Variants in PPP2R5A observed in about 807,000 individuals in gnomAD.
PPP2R5A encodes protein phosphatase 2 regulatory subunit B'alpha.
In PPP2R5A, 25 loss-of-function variants were observed where a neutral mutation model predicts 64.2. That is an observed-to-expected ratio of 0.39 (90% CI 0.28 to 0.54). PPP2R5A has a LOEUF of 0.54. Among genes scored for constraint, PPP2R5A ranks in the 20% least tolerant of loss-of-function variants. The pLI is 0.67. For synonymous variants in PPP2R5A, 198 were observed against 201.2 expected, an observed-to-expected ratio of 0.98 and a Z score of 0.13; for missense variants, 425 against 576.3, an observed-to-expected ratio of 0.74 and a Z score of 2.69.
At chr1:212,357,783 A>G (rs1295853758) in intron 11 of PPP2R5A, 1 of 146,150 alleles carries the variant, frequency 6.8e-6, no homozygotes, top group Non-Finnish European at 1.5e-5. Flanking sequence ...AGCCTGGGCG[A>G]CAGAGCAAGA....
intron 1 of PPP2R5A, among the ~76,000 whole-genome samples, chr1:212,322,125 C>A (rs535729626): frequency 6.6e-6 from 1 of 150,980 alleles, no homozygotes; most frequent in Non-Finnish European, 1.5e-5. Flanking sequence ...TGCAGTGAGC[C>A]GAGATGGCAG....
At chr1:212,301,315 T>G (rs1658796985) in intron 1 of PPP2R5A, among the ~76,000 whole-genome samples, 1 of 152,208 alleles carries the variant, frequency 6.6e-6, no homozygotes, top group South Asian at 2.1e-4. Context: ...CCCAGCCCAG[T>G]TAATTTTTTG....
rs139352687 is a variant in PPP2R5A at position 212,288,830 on chromosome 1, G to A, written c.181+2539G>A. Among the ~76,000 whole-genome samples the A allele has an allele frequency of 2.7e-5, 4 of 150,844 alleles. No individual in the cohort carries two copies. The East Asian group carries it at 7.8e-4, about 29-fold the overall frequency. On this transcript the variant is annotated intron_variant, in intron 1 of 12. Coordinates refer to ENST00000261461, the MANE Select transcript of PPP2R5A (RefSeq NM_006243.4). ...ACTGTGGAGTGATTCAGATATCCATGGACTCCAAGATCTTTTAAGTTTCAT... is the reference window on the plus strand; with the variant it reads ...ACTGTGGAGTGATTCAGATATCCATAGACTCCAAGATCTTTTAAGTTTCAT...
chr1:212,286,141 G>C lies in PPP2R5A; in HGVS notation c.31G>C (p.Ala11Pro), dbSNP rs753173935. 2.5e-6 allele frequency: 4 copies of C among 1,584,872 alleles called. No individual in the cohort carries two copies. The East Asian group carries it at 6.9e-5, about 28-fold the overall frequency. The change falls in exon 1 of 13, where the codon GCC becomes CCC. Residue 11 changes from alanine (A) to proline (P), a missense_variant. Physicochemically the swap from Ala to Pro is conservative, Grantham distance 27 (BLOSUM62 -1). This residue lies in a region of PPP2R5A where 104 missense variants were observed against 95.7 expected (regional missense o/e 1.09). Coordinates refer to ENST00000261461, the MANE Select transcript of PPP2R5A (RefSeq NM_006243.4). The part of the protein sequence containing the change: MSSSSPPAGA[A>P]SAAISASEKV... Reference sequence around the variant, plus strand: ...GTCGTCGTCGCCGCCGGCGGGGGCTGCCAGCGCCGCCATCTCGGCCTCGGA... The same window carrying C: ...GTCGTCGTCGCCGCCGGCGGGGGCTCCCAGCGCCGCCATCTCGGCCTCGGA...
chr1:212,322,061 G>A (rs1262593724), intron 1 of PPP2R5A, among the ~76,000 whole-genome samples: 26 of 150,380 alleles, frequency 1.7e-4, no homozygotes, highest in South Asian at 8.6e-4. Context: ...GGCGGCGCGC[G>A]CCTGCAATCG....
intron 1 of PPP2R5A, chr1:212,302,051 T>G (rs772801018): frequency 1.3e-6 from 2 of 1,528,418 alleles, no homozygotes; most frequent in South Asian, 1.2e-5. Flanking sequence ...TATCACTGAT[T>G]TAATGAAGAA....
At chr1:212,310,626 G>A (rs554513865) in intron 1 of PPP2R5A, among the ~76,000 whole-genome samples, 3 of 152,288 alleles carry the variant, frequency 2.0e-5, no homozygotes, top group African/African-American at 7.2e-5. Context: ...GCAGCAGCCC[G>A]AGGTCTTCTT....
intron 1 of PPP2R5A, among the ~76,000 whole-genome samples, chr1:212,308,778 C>G (rs1317182215): frequency 6.6e-6 from 1 of 152,048 alleles, no homozygotes; most frequent in Non-Finnish European, 1.5e-5. Context: ...ATTCTTTTTT[C>G]TTTCTGTTCT....
chr1:212,305,912 G>A (rs1658891530), intron 1 of PPP2R5A, among the ~76,000 whole-genome samples: 1 of 152,108 alleles, frequency 6.6e-6, no homozygotes, highest in South Asian at 2.1e-4. Flanking sequence ...AAACTGGAGT[G>A]GCTATACTAA....
intron 12 of PPP2R5A, among the ~76,000 whole-genome samples, chr1:212,359,485 AATTACT>A (rs1458420498): frequency 1.3e-5 from 2 of 152,204 alleles, no homozygotes; most frequent in African/African-American, 2.4e-5. Flanking sequence ...GAATTTCATA[AATTACT>A]ATAAAATAAT....
At chr1:212,349,051 C>A in intron 7 of PPP2R5A, 138 bp from the exon 8 acceptor site, 2 of 465,106 alleles carry the variant, frequency 4.3e-6, no homozygotes, top group East Asian at 3.6e-5. Flanking sequence ...CAATTTCATT[C>A]ACAGTTGTGA....
At chr1:212,296,781 ACAT>A (rs1658698547) in intron 1 of PPP2R5A, among the ~76,000 whole-genome samples, 1 of 152,230 alleles carries the variant, frequency 6.6e-6, no homozygotes, top group African/African-American at 2.4e-5. Flanking sequence ...TGAAAGAAAA[ACAT>A]CATTTATATC....
intron 8 of PPP2R5A, among the ~76,000 whole-genome samples, chr1:212,349,444 G>A (rs1323531367): frequency 3.3e-5 from 5 of 152,116 alleles, no homozygotes; most frequent in Non-Finnish European, 5.9e-5. Flanking sequence ...TTGAATAACC[G>A]AAATATAGAC....
intron 1 of PPP2R5A, chr1:212,301,964 A>G: frequency 7.3e-7 from 1 of 1,363,456 alleles, no homozygotes; most frequent in Non-Finnish European, 9.6e-7. Flanking sequence ...TGCTACTTCA[A>G]ATTATTTATC....
At chr1:212,338,660 G>A (rs947180052) in intron 3 of PPP2R5A, among the ~76,000 whole-genome samples, 4 of 151,980 alleles carry the variant, frequency 2.6e-5, no homozygotes, top group Non-Finnish European at 2.9e-5. Flanking sequence ...GGTGGCACAC[G>A]CCTCTAATCC....
At chr1:212,342,848 C>CT (rs34379519) in intron 4 of PPP2R5A, among the ~76,000 whole-genome samples, 25,257 of 149,258 alleles carry the variant, frequency 0.17, 2,525 homozygotes, top group South Asian at 0.3. Context: ...GTGATGCCTT[C>CT]TTTTTTTTTT....
chr1:212,350,852 T>TA (rs1262030008), intron 8 of PPP2R5A, among the ~76,000 whole-genome samples: 1 of 150,060 alleles, frequency 6.7e-6, no homozygotes, highest in East Asian at 2.0e-4. Context: ...GAATGGAAGA[T>TA]AGAGGCTGGG....
chr1:212,323,861 C>T (rs1659359199), intron 1 of PPP2R5A, among the ~76,000 whole-genome samples: 1 of 152,114 alleles, frequency 6.6e-6, no homozygotes, highest in African/African-American at 2.4e-5. Context: ...ATCACGAGGT[C>T]AGGAGATCGA....
intron 1 of PPP2R5A, among the ~76,000 whole-genome samples, chr1:212,293,574 A>C (rs538928662): frequency 1.7e-4 from 26 of 152,294 alleles, no homozygotes; most frequent in African/African-American, 6.0e-4. Context: ...CCTAGTTTTT[A>C]TATCTGTCTT....
Sources: gnomAD v4.1 joint callset for allele counts (sites outside exome capture counted in the v4.1 genomes callset) on GRCh38, gnomAD v4.1.1 for gene constraint, gnomAD v4.1.1 regional missense constraint, MANE v1.5 for transcripts, NCBI Gene and HGNC (gene_info 2026-07-23, HGNC 2026-07-21) for gene names.